Variants in LAMB2 observed in about 807,000 individuals in gnomAD.
LAMB2 encodes laminin subunit beta 2, also known as laminin subunit beta-2.
In LAMB2, 119 loss-of-function variants were observed where a neutral mutation model predicts 202.7. The observed-to-expected ratio is 0.59, with a 90% CI of 0.51 to 0.68. The LOEUF is 0.68. Among genes scored for constraint, LAMB2 ranks in the 30% least tolerant of loss-of-function variants. LAMB2 has a pLI of 0.00. For missense variants in LAMB2, 2,124 were observed against 2,410.6 expected (o/e 0.88, Z 2.49); for synonymous variants, 818 against 902.2 (o/e 0.91, Z 1.67).
intron 26 of LAMB2, 34 bp from the exon 27 acceptor site, chr3:49,123,086 G>A: frequency 1.2e-6 from 2 of 1,606,774 alleles, no homozygotes; most frequent in Non-Finnish European, 1.7e-6. Flanking sequence ...GGCCCTGTGA[G>A]AGGAACATCT....
At chr3:49,126,993 A>G (rs2045423090) in intron 15 of LAMB2, among the ~76,000 whole-genome samples, 1 of 151,590 alleles carries the variant, frequency 6.6e-6, no homozygotes, top group Non-Finnish European at 1.5e-5. Flanking sequence ...TTATTTATTT[A>G]TTTGTTTATT....
Position 49,131,573 on chromosome 3 carries a change from A to T in LAMB2, c.610T>A (p.Ser204Thr). 2.5e-6 allele frequency: 4 copies of T among 1,613,796 alleles called. No homozygotes were observed. The highest frequency in any genetic ancestry group is 2.5e-6 in the Non-Finnish European group (3 of 1,180,014). Residue 204 changes from serine to threonine, a missense_variant, in exon 5 of 32, where the codon TCC (serine) becomes ACC (threonine). Ser to Thr is a moderately conservative substitution (Grantham distance 58). Transcript: ENST00000305544. This position sits in a 1 kb window ranked among gnomAD's most constrained non-coding sequence, Gnocchi z 5.0. ...PRHWDDVVCESRYSEIEPSTE... is the reference protein window; with the variant it reads ...PRHWDDVVCETRYSEIEPSTE... The stretch of plus-strand genomic sequence containing the variant: ...GATGGCTCAATCTCTGAGTAGCGGG[A>T]CTCACAGACTACATCATCCCAGTGC...
At chr3:49,127,748 C>T (rs528597469) in intron 15 of LAMB2, among the ~76,000 whole-genome samples, 13 of 151,150 alleles carry the variant, frequency 8.6e-5, no homozygotes, top group East Asian at 3.9e-4. Flanking sequence ...GGGCTGGGCA[C>T]GGTGGCTCAC....
intron 27 of LAMB2, 59 bp from the exon 28 acceptor site, chr3:49,122,429 C>A: frequency 6.5e-7 from 1 of 1,529,528 alleles, no homozygotes; most frequent in African/African-American, 1.4e-5. Context: ...CATGAGGATA[C>A]AGTTTTGGGG....
At chr3:49,125,911 C>T (rs1233551715) in intron 17 of LAMB2, 21 bp from the exon 18 acceptor site, 1 of 1,613,964 alleles carries the variant, frequency 6.2e-7, no homozygotes, top group African/African-American at 1.3e-5. Flanking sequence ...GAGGGTTGGG[C>T]CAAGTCAGGC....
Position 49,126,083 on chromosome 3 carries a change from G to T in LAMB2, c.2228C>A (p.Thr743Asn). Residue 743 changes from threonine to asparagine, a missense_variant, in exon 17 of 32, where the codon ACC (threonine) becomes AAC (asparagine). Thr to Asn is a moderately conservative substitution (Grantham distance 65, BLOSUM62 0). Transcript: ENST00000305544. Reference protein sequence around the residue: ...GDAAALERQATFERYQCHEEG... With the variant: ...GDAAALERQANFERYQCHEEG... Reference sequence around the variant, plus strand: ...CTCATGGCATTGGTAGCGTTCAAAGGTGGCCTGGCGCTCCAGGGCAGCAGC... The same window carrying T: ...CTCATGGCATTGGTAGCGTTCAAAGTTGGCCTGGCGCTCCAGGGCAGCAGC... 1.9e-6 allele frequency: 3 copies of T among 1,614,026 alleles called. No individual in the cohort carries two copies. Among genetic ancestry groups the T allele is most frequent in the Non-Finnish European group, 2.5e-6 (3 of 1,180,022 alleles).
chr3:49,125,376 C>T lies in LAMB2; in HGVS notation c.2597G>A (p.Arg866His), dbSNP rs745441757. Residue 866 changes from arginine to histidine, a missense_variant, in exon 19 of 32, where the codon CGT (arginine) becomes CAT (histidine). Physicochemically the swap from Arg to His is conservative, Grantham distance 29 (BLOSUM62 0). This residue lies in a region of LAMB2 where 1,702 missense variants were observed against 1,896.3 expected (regional missense o/e 0.90). Coordinates refer to ENST00000305544, the MANE Select transcript of LAMB2 (RefSeq NM_002292.4). ...AFGLRCDRCQ[R>H]GQWGFPSCRP... ...GCAGCTAGGGAATCCCCACTGGCCACGCTGGCAGCGGTCACAGCGAAGCCC... is the reference window on the plus strand; with the variant it reads ...GCAGCTAGGGAATCCCCACTGGCCATGCTGGCAGCGGTCACAGCGAAGCCC... The T allele has an allele frequency of 1.1e-5, 17 of 1,613,948 alleles. No homozygotes were observed. The highest frequency in any genetic ancestry group is 4.5e-5 in the East Asian group (2 of 44,896).
In LAMB2 at chr3:49,122,689, A is replaced by G; in HGVS notation, c.4573+15T>C. The G allele has an allele frequency of 6.2e-7, 1 of 1,606,544 alleles. No homozygotes were observed. Among genetic ancestry groups the G allele is most frequent in the Non-Finnish European group, 8.5e-7 (1 of 1,173,044 alleles). On this transcript the variant is annotated intron_variant, in intron 27 of 31. Coordinates refer to ENST00000305544, the MANE Select transcript of LAMB2 (RefSeq NM_002292.4). ...AGGGGACAACCACATGGCCTGGGACACGTGGGAGGCTCACGGTTGAGGAAG... is the reference window on the plus strand; with the variant it reads ...AGGGGACAACCACATGGCCTGGGACGCGTGGGAGGCTCACGGTTGAGGAAG...
Position 49,133,039 on chromosome 3 carries a change from G to T in LAMB2, c.-172C>A. 1 of 624,040 alleles carries T rather than the reference G, an allele frequency of 1.6e-6. No homozygotes were observed. 38.7% of individuals were successfully genotyped at this position (624,040 alleles called of 1,614,324 possible). On this transcript the variant is annotated 5_prime_UTR_variant, in exon 1 of 32. It adds an upstream start codon to the 5' untranslated region. Coordinates refer to ENST00000305544, the MANE Select transcript of LAMB2 (RefSeq NM_002292.4). ...GGTCCCTCCGACAGCTTAGAGTCCA[G>T]CGACTTTGAGCAAAGTTGGGAATCG...
Position 49,129,242 on chromosome 3 carries a change from T to G in LAMB2, c.1598+3A>C. 1.2e-6 allele frequency: 2 copies of G among 1,614,044 alleles called. No individual in the cohort carries two copies. The highest frequency in any genetic ancestry group is 2.7e-5 in the African/African-American group (2 of 75,032). ...CTTCCCAGGCCCCCTTTACAACACTTACTGGGGATCCAAAGCACCACCCAC... is the reference window on the plus strand; with the variant it reads ...CTTCCCAGGCCCCCTTTACAACACTGACTGGGGATCCAAAGCACCACCCAC... On this transcript the variant is annotated splice_donor_region_variant and intron_variant, in intron 12 of 31. Coordinates refer to ENST00000305544, the MANE Select transcript of LAMB2 (RefSeq NM_002292.4). This position sits in a 1 kb window ranked among gnomAD's most constrained non-coding sequence, Gnocchi z 6.1.
chr3:49,129,526 T>C lies in LAMB2; in HGVS notation c.1518+78A>G. On this transcript the variant is annotated intron_variant, in intron 11 of 31. Transcript: ENST00000305544. The surrounding 1 kb of genome is among the most constrained non-coding windows in gnomAD (Gnocchi z 6.1). ...TCCTAAGCTCTCAGCACCCACCCAC[T>C]GGCATAGATGTGACACCCCAGCCCT... The C allele has an allele frequency of 8.0e-7, 1 of 1,257,626 alleles. No homozygotes were observed. 77.9% of individuals were successfully genotyped at this position (1,257,626 alleles called of 1,614,324 possible).
chr3:49,130,848 A>G lies in LAMB2; in HGVS notation c.928T>C (p.Cys310Arg). Residue 310 changes from cysteine to arginine, a missense_variant, in exon 8 of 32, where the codon TGC (cysteine) becomes CGC (arginine). Coordinates refer to ENST00000305544, the MANE Select transcript of LAMB2 (RefSeq NM_002292.4). The surrounding 1 kb of genome is among the most constrained non-coding windows in gnomAD (Gnocchi z 5.0). Reference sequence around the variant, plus strand: ...CCACGTGTGTTGTGTTTGCAGATGCAAGCTCCGTGCACCTATAGAGGTTGG... The same window carrying G: ...CCACGTGTGTTGTGTTTGCAGATGCGAGCTCCGTGCACCTATAGAGGTTGG... ...AHAEGMVHGA[C>R]ICKHNTRGLN... 1 of 1,614,168 alleles carries G rather than the reference A, an allele frequency of 6.2e-7. No homozygotes were observed. The highest frequency in any genetic ancestry group is 8.5e-7 in the Non-Finnish European group (1 of 1,180,022).
rs200186640 is a variant in LAMB2, at chr3:49,131,159, C to T, written c.713-7G>A. 34 of 1,612,976 alleles carry T rather than the reference C, an allele frequency of 2.1e-5. No individual in the cohort carries two copies. Among genetic ancestry groups the T allele is most frequent in the South Asian group, 1.3e-4 (12 of 91,054 alleles). ...TTGGTGATCTTCAACAGGTCTGAGG[C>T]GGGGGAAGGGGGGCCAACTGACCAG... On this transcript the variant is annotated splice_polypyrimidine_tract_variant and splice_region_variant and intron_variant, in intron 6 of 31. Coordinates refer to ENST00000305544, the MANE Select transcript of LAMB2 (RefSeq NM_002292.4). The surrounding 1 kb of genome is among the most constrained non-coding windows in gnomAD (Gnocchi z 5.0).
intron 26 of LAMB2, 23 bp from the exon 27 acceptor site, chr3:49,123,075 G>C: frequency 6.2e-7 from 1 of 1,606,656 alleles, no homozygotes; most frequent in Non-Finnish European, 8.5e-7. Flanking sequence ...GAACAAGTCA[G>C]GGCCCTGTGA....
In LAMB2 at chr3:49,132,588, G is replaced by A. The variant is rs748829288; in HGVS notation, c.152C>T (p.Thr51Met). ...GCSRGSCYPA[T>M]GDLLVGRADR... ...AGCTCGGCCCACCAGCAGGTCGCCC[G>A]TGGCGGGGTAGCAGCTTCCCCTGGA... Residue 51 changes from threonine (T) to methionine (M), a missense_variant, in exon 2 of 32, where the codon ACG (threonine) becomes ATG (methionine). This residue lies in a region of LAMB2 where 166 missense variants were observed against 158.2 expected (regional missense o/e 1.05). Transcript: ENST00000305544. The surrounding 1 kb of genome is among the most constrained non-coding windows in gnomAD (Gnocchi z 4.6). The A allele has an allele frequency of 8.7e-6, 14 of 1,613,630 alleles. No individual in the cohort carries two copies. In the South Asian group the frequency reaches 8.8e-5, roughly 10 times the overall value.
chr3:49,130,780 G>A lies in LAMB2; in HGVS notation c.996C>T (p.Pro332=). Residue 332 remains proline, a synonymous_variant, in exon 8 of 32, where the codon CCC becomes CCT. Transcript: ENST00000305544. The surrounding 1 kb of genome is among the most constrained non-coding windows in gnomAD (Gnocchi z 5.0). The part of the protein sequence containing the change: ...EQCQDFYRDL[P]WRPAEDGHSH... ...TATGGCCGTCCTCAGCCGGACGCCA[G>A]GGCAGGTCACGATAGAAATCCTGAC... is the stretch of plus-strand genomic sequence containing the variant. 4 of 1,614,140 alleles carry A rather than the reference G, an allele frequency of 2.5e-6. No individual in the cohort carries two copies. Among genetic ancestry groups the A allele is most frequent in the Non-Finnish European group, 3.4e-6 (4 of 1,180,014 alleles).
rs765834137 is a variant in LAMB2, at chr3:49,128,538, C to A, written c.1938G>T (p.Gly646=). 2 of 1,614,192 alleles carry A rather than the reference C, an allele frequency of 1.2e-6. No homozygotes were observed. The highest frequency in any genetic ancestry group is 2.2e-5 in the East Asian group (1 of 44,894). ...AELELIVQRP[G]PVPAHSLCGH... ...CACACAGGCTGTGGGCAGGCACAGGCCCTGGACGCTGCACAATCAGTTCCA... is the reference window on the plus strand; with the variant it reads ...CACACAGGCTGTGGGCAGGCACAGGACCTGGACGCTGCACAATCAGTTCCA... The change falls in exon 15 of 32, where the codon GGG becomes GGT. Residue 646 remains glycine, a synonymous_variant. Coordinates refer to ENST00000305544, the MANE Select transcript of LAMB2 (RefSeq NM_002292.4).
Position 49,132,689 on chromosome 3 carries a change from C to T in LAMB2, c.77-26G>A, listed in dbSNP as rs749466044. 34 of 1,613,994 alleles carry T rather than the reference C, an allele frequency of 2.1e-5. No homozygotes were observed. The highest frequency in any genetic ancestry group is 1.5e-4 in the Admixed American group (9 of 60,008). On this transcript the variant is annotated intron_variant, in intron 1 of 31. Transcript: ENST00000305544. The surrounding 1 kb of genome is among the most constrained non-coding windows in gnomAD (Gnocchi z 4.6). ...CTGGGGACAGTAGCTCAGTCAGTTC[C>T]GCTGAGTTCCTATCCAGTGGCTCCA...
rs149536828 is a variant in LAMB2, at chr3:49,123,020, A to G, written c.4257T>C (p.Ala1419=). The change falls in exon 27 of 32, where the codon GCT becomes GCC. Residue 1419 remains alanine, a synonymous_variant. Transcript: ENST00000305544. The stretch of plus-strand genomic sequence containing the variant: ...AGCCGGCACCCCCACAAGGGCTTGT[A>G]GCACAGGGTGCATCCCCTGGTGCCC... The part of the protein sequence containing the change: ...VCGAPGDAPC[A]TSPCGGAGCR... 423 of 1,608,350 alleles carry G rather than the reference A, an allele frequency of 2.6e-4. 1 individual carries two copies. Among genetic ancestry groups the G allele is most frequent in the Non-Finnish European group, 3.4e-4 (397 of 1,179,994 alleles).
Sources: gnomAD v4.1 joint callset for allele counts (sites outside exome capture counted in the v4.1 genomes callset) on GRCh38, gnomAD v4.1.1 for gene constraint, gnomAD v4.1.1 regional missense constraint, Gnocchi (gnomAD v3.1) non-coding constraint, MANE v1.5 for transcripts, NCBI Gene and HGNC (gene_info 2026-07-23, HGNC 2026-07-21) for gene names.